The following ADGRL3 variants were observed in gnomAD, a reference collection of about 807,000 sequenced individuals.
ADGRL3 encodes the protein adhesion G protein-coupled receptor L3.
Under a neutral mutation model 153.5 loss-of-function variants are expected in ADGRL3, and 62 were observed. That is an observed-to-expected ratio of 0.40 (90% CI 0.33 to 0.50). The LOEUF is 0.50. Among genes scored for constraint, ADGRL3 ranks in the 20% least tolerant of loss-of-function variants. The probability of loss-of-function intolerance (pLI) is 0.47; values close to 1 mark genes in which losing one functional copy is unlikely to be tolerated. For missense variants in ADGRL3, 1,641 were observed against 1,859.4 expected (o/e 0.88, Z 2.16); for synonymous variants, 710 against 672.5 (o/e 1.06, Z -0.86).
At chr4:62,026,131 G>A (rs556300328) in intron 21 of ADGRL3, among the ~76,000 whole-genome samples, 2 of 152,100 alleles carry the variant, frequency 1.3e-5, no homozygotes, top group East Asian at 3.8e-4. Context: ...TAAAATAAAT[G>A]CTTTGTTAAT....
chr4:62,058,896 CAG>C (rs1738523157), intron 25 of ADGRL3, among the ~76,000 whole-genome samples: 2 of 152,110 alleles, frequency 1.3e-5, no homozygotes, highest in Non-Finnish European at 2.9e-5. Flanking sequence ...CAAAAGCAAA[CAG>C]AATAGACTTC....
At chr4:61,456,378 TATATATATATA>T (rs1322700829) in intron 2 of ADGRL3, among the ~76,000 whole-genome samples, 9 of 113,988 alleles carry the variant, frequency 7.9e-5, no homozygotes, top group African/African-American at 3.5e-4. Flanking sequence ...GATATATCTA[TATATATATATA>T]GATATATCTA....
Position 61,649,538 on chromosome 4 carries a change from G to T in ADGRL3, c.474-27288G>T, listed in dbSNP as rs1014309815. Among the ~76,000 whole-genome samples the T allele has an allele frequency of 1.2e-4, 19 of 152,128 alleles. 1 individual carries two copies. The highest frequency in any genetic ancestry group is 8.5e-4 in the Admixed American group (13 of 15,270). ...GCTGGATTTACAGTTTATGTATTTT[G>T]TAGAAGAGTTTAGCCTTTTATCATT... On this transcript the variant is annotated intron_variant, in intron 5 of 26. Transcript: ENST00000683033.
chr4:61,279,035 C>T (rs529410225), intron 1 of ADGRL3, among the ~76,000 whole-genome samples: 91 of 152,252 alleles, frequency 6.0e-4, no homozygotes, highest in African/African-American at 2.0e-3. Flanking sequence ...CATGTTGTTG[C>T]TCTACGTCTG....
chr4:62,026,583 C>T (rs1195376961), intron 21 of ADGRL3, among the ~76,000 whole-genome samples: 1 of 151,946 alleles, frequency 6.6e-6, no homozygotes, highest in Non-Finnish European at 1.5e-5. Context: ...CTCACCATTG[C>T]AAACTTTGTA....
At chr4:61,350,609 A>G (rs111489695) in intron 1 of ADGRL3, among the ~76,000 whole-genome samples, 2,089 of 152,120 alleles carry the variant, frequency 0.014, 25 homozygotes, top group Non-Finnish European at 0.023. Flanking sequence ...GCATATACAC[A>G]CTTTATGTCC....
intron 8 of ADGRL3, among the ~76,000 whole-genome samples, chr4:61,746,513 G>C (rs899312510): frequency 6.6e-6 from 1 of 152,130 alleles, no homozygotes; most frequent in Non-Finnish European, 1.5e-5. Flanking sequence ...CTCTCTCTGA[G>C]ACCACAGTGC....
chr4:61,775,757 C>G lies in ADGRL3; in HGVS notation c.1400-38052C>G, dbSNP rs140702266. 3 of 869,872 alleles carry G rather than the reference C, an allele frequency of 3.4e-6. No homozygotes were observed. The East Asian group carries it at 7.2e-5, about 21-fold the overall frequency. 53.9% of individuals were successfully genotyped at this position (869,872 alleles called of 1,614,324 possible). A position where few individuals can be genotyped will look rare whatever the true frequency, so the allele number is the denominator to read the frequency against. ...TTGGTAGCTTCATGAATTCCACGTG[C>G]TAGGCAATCGTGGATGAGGGCAGTC... On this transcript the variant is annotated intron_variant, in intron 8 of 26. Coordinates refer to ENST00000683033, the MANE Select transcript of ADGRL3 (RefSeq NM_001387552.1).
chr4:61,381,195 A>G (rs2096662823), intron 1 of ADGRL3, among the ~76,000 whole-genome samples: 1 of 152,012 alleles, frequency 6.6e-6, no homozygotes, highest in Non-Finnish European at 1.5e-5. Flanking sequence ...CTATAAAGGT[A>G]GCTATACAAA....
At chr4:61,959,970 TTAAC>T (rs562558763) in intron 17 of ADGRL3, among the ~76,000 whole-genome samples, 22 of 152,278 alleles carry the variant, frequency 1.4e-4, no homozygotes, top group African/African-American at 4.6e-4. Context: ...AAATAGTACT[TTAAC>T]TAATGTATTT....
chr4:61,726,508 T>A (rs577116718), intron 6 of ADGRL3, among the ~76,000 whole-genome samples: 1 of 152,218 alleles, frequency 6.6e-6, no homozygotes, highest in East Asian at 1.9e-4. Flanking sequence ...CTGGAACATT[T>A]TTTATTTCAG....
At chr4:61,512,628 C>A (rs1239613483) in intron 3 of ADGRL3, among the ~76,000 whole-genome samples, 1 of 151,818 alleles carries the variant, frequency 6.6e-6, no homozygotes, top group Non-Finnish European at 1.5e-5. Flanking sequence ...TAAAAAGGAA[C>A]AAGATTTTGA....
chr4:61,463,004 A>C (rs1380388543), intron 2 of ADGRL3, among the ~76,000 whole-genome samples: 1 of 152,176 alleles, frequency 6.6e-6, no homozygotes, highest in Non-Finnish European at 1.5e-5. Flanking sequence ...TTACAGATCT[A>C]ACAGTCTTCT....
chr4:61,555,797 C>T (rs955920210), intron 4 of ADGRL3, among the ~76,000 whole-genome samples: 3 of 152,154 alleles, frequency 2.0e-5, no homozygotes, highest in Admixed American at 6.5e-5. Flanking sequence ...TTATTCATGC[C>T]TCCCCTTTTT....
rs1277622896 is a variant in ADGRL3 at position 61,798,974 on chromosome 4, CATT to C, written c.1400-14829_1400-14827del. On this transcript the variant is annotated intron_variant, in intron 8 of 26. Transcript: ENST00000683033. ...TTAGGATATTTTATATGTATTATAA[CATT>C]ATTATATATTATATATAAACAGTAT... is the stretch of plus-strand genomic sequence containing the variant. 1.1e-4 allele frequency among the ~76,000 whole-genome samples: 13 copies of C among 122,844 alleles called. 1 individual carries two copies. The South Asian group carries it at 1.8e-3, about 17-fold the overall frequency. 80.6% of individuals were successfully genotyped at this position (122,844 alleles called of 152,430 possible).
At chr4:61,589,795 G>A (rs2098962030) in intron 5 of ADGRL3, among the ~76,000 whole-genome samples, 1 of 152,070 alleles carries the variant, frequency 6.6e-6, no homozygotes, top group African/African-American at 2.4e-5. Context: ...GTGAGTACAC[G>A]TGAACAAAGG....
chr4:61,647,170 C>T (rs1386521289), intron 5 of ADGRL3, among the ~76,000 whole-genome samples: 1 of 152,126 alleles, frequency 6.6e-6, no homozygotes, highest in African/African-American at 2.4e-5. Flanking sequence ...GGCCTGCGCC[C>T]ACTGTCTGGC....
chr4:61,227,078 T>C (rs1264554835), intron 1 of ADGRL3, among the ~76,000 whole-genome samples: 4 of 152,222 alleles, frequency 2.6e-5, no homozygotes, highest in Non-Finnish European at 4.4e-5. Context: ...ACTTGAATTA[T>C]AGTGCCTAGC....
intron 8 of ADGRL3, among the ~76,000 whole-genome samples, chr4:61,752,243 G>A (rs901979276): frequency 1.3e-5 from 2 of 152,072 alleles, no homozygotes; most frequent in African/African-American, 4.8e-5. Context: ...TATAAGTTTT[G>A]TATAACATAG....
Sources: gnomAD v4.1 joint callset for allele counts (sites outside exome capture counted in the v4.1 genomes callset) on GRCh38, gnomAD v4.1.1 for gene constraint, MANE v1.5 for transcripts, NCBI Gene and HGNC (gene_info 2026-07-23, HGNC 2026-07-21) for gene names.